The following VWA8 variants were observed in gnomAD, a reference collection of about 807,000 sequenced individuals.
The protein encoded by VWA8 is von Willebrand factor A domain containing 8, also known as von Willebrand factor A domain-containing protein 8.
Under a neutral mutation model 241.5 loss-of-function variants are expected in VWA8, and 221 were observed. The ratio of observed to expected loss-of-function variants is 0.91; its 90% CI spans 0.82 to 1.02. The LOEUF is 1.02. Among genes scored for constraint, VWA8 ranks in the 50% least tolerant of loss-of-function variants. VWA8 has a pLI of 0.00. For synonymous variants in VWA8, 852 were observed against 827.1 expected (o/e 1.03, Z -0.52); for missense variants, 2,322 against 2,328.7 (o/e 1.00, Z 0.06).
Position 41,821,815 on chromosome 13 carries a change from C to T in VWA8, c.1701-2429G>A, listed in dbSNP as rs181107470. Among the ~76,000 whole-genome samples, 49 of 152,202 alleles carry T rather than the reference C, an allele frequency of 3.2e-4. No individual in the cohort carries two copies. The East Asian group carries it at 4.1e-3, about 13-fold the overall frequency. On this transcript the variant is annotated intron_variant, in intron 14 of 44. Coordinates refer to ENST00000379310, the MANE Select transcript of VWA8 (RefSeq NM_015058.2). ...AGTTTTTATAAAGTACTTTCTGATG[C>T]TTCTCACCAGTAAAAAGGAACAAAC... is the stretch of plus-strand genomic sequence containing the variant.
At chr13:41,731,724 A>C (rs1016389665) in intron 22 of VWA8, among the ~76,000 whole-genome samples, 3 of 152,130 alleles carry the variant, frequency 2.0e-5, no homozygotes, top group African/African-American at 7.2e-5. Flanking sequence ...GTGGGAGATA[A>C]CTGAATCATG....
intron 9 of VWA8, among the ~76,000 whole-genome samples, chr13:41,871,799 A>C (rs981154420): frequency 6.6e-6 from 1 of 152,190 alleles, no homozygotes; most frequent in Non-Finnish European, 1.5e-5. Context: ...AGCATGATTT[A>C]TAGTCCTTTG....
chr13:41,759,253 A>T (rs527522342), intron 21 of VWA8, among the ~76,000 whole-genome samples: 19 of 151,606 alleles, frequency 1.3e-4, no homozygotes, highest in African/African-American at 4.6e-4. Context: ...CAGCACTTCA[A>T]TTGAATTGTG....
chr13:41,938,352 A>G (rs1279895082), intron 2 of VWA8, among the ~76,000 whole-genome samples: 4 of 152,090 alleles, frequency 2.6e-5, no homozygotes, highest in Non-Finnish European at 4.4e-5. Context: ...TAAGGACTCT[A>G]TTCTTAAAAA....
intron 1 of VWA8, chr13:41,955,962 G>C (rs954382189): frequency 3.3e-5 from 5 of 152,200 alleles, no homozygotes; most frequent in African/African-American, 1.2e-4. Flanking sequence ...GCCTGCTCAC[G>C]TTTCAGAATG....
intron 17 of VWA8, chr13:41,807,556 G>A (rs1344280602): frequency 6.6e-6 from 1 of 152,196 alleles, no homozygotes; most frequent in Non-Finnish European, 1.5e-5. Flanking sequence ...CAGTCAATGT[G>A]ATGCATCATA....
chr13:41,841,604 G>A (rs963965318), intron 12 of VWA8, among the ~76,000 whole-genome samples: 3 of 149,584 alleles, frequency 2.0e-5, no homozygotes, highest in East Asian at 2.0e-4. Context: ...GGCTAACACG[G>A]TGAAACCCCG....
chr13:41,921,237 GC>G (rs772678909), intron 2 of VWA8, among the ~76,000 whole-genome samples: 5 of 152,072 alleles, frequency 3.3e-5, no homozygotes, highest in Non-Finnish European at 5.9e-5. Context: ...AAATTCAACA[GC>G]CCTTCATGCT....
chr13:41,918,332 G>T (rs1187351859), intron 2 of VWA8, among the ~76,000 whole-genome samples: 1 of 152,148 alleles, frequency 6.6e-6, no homozygotes, highest in East Asian at 1.9e-4. Flanking sequence ...TCAGCACAGA[G>T]AAGATATTCA....
chr13:41,729,798 G>GACACACACACATAC, intron 22 of VWA8, 121 bp from the exon 23 acceptor site: 1 of 443,766 alleles, frequency 2.3e-6, no homozygotes, highest in South Asian at 3.0e-5. Context: ...TATACACGTA[G>GACACACACACATAC]ACACACACAC....
In VWA8 at chr13:41,570,705, G is replaced by C. The variant is rs1162363871; in HGVS notation, c.5372C>G (p.Thr1791Arg). ...GCAGAACTGAGAGTGGGCATGCATT[G>C]TCTGGAGGTAAAAGAAGTTGCACAA... is the stretch of plus-strand genomic sequence containing the variant. ...DNKQRLEILK[T>R]MHAHSQFCMS... is the part of the protein sequence containing the mutation. The change falls in exon 44 of 45, where the codon ACA (threonine) becomes AGA (arginine). Residue 1791 changes from threonine (T) to arginine (R), a missense_variant and splice_region_variant. Thr to Arg is a moderately conservative substitution (Grantham distance 71). Transcript: ENST00000379310. The C allele has an allele frequency of 6.2e-7, 1 of 1,609,104 alleles. No individual in the cohort carries two copies. Among genetic ancestry groups the C allele is most frequent in the African/African-American group, 1.3e-5 (1 of 74,992 alleles).
chr13:41,729,249 T>C (rs192599768), intron 23 of VWA8, among the ~76,000 whole-genome samples: 11 of 151,980 alleles, frequency 7.2e-5, no homozygotes, highest in Non-Finnish European at 1.2e-4. Context: ...CACAAATAAT[T>C]GGGAGATGAG....
chr13:41,852,365 T>C (rs1463898535), intron 12 of VWA8, among the ~76,000 whole-genome samples: 1 of 152,216 alleles, frequency 6.6e-6, no homozygotes, highest in Non-Finnish European at 1.5e-5. Context: ...CATTTGCAAA[T>C]ATTTTCTCCC....
intron 9 of VWA8, 78 bp from the exon 10 acceptor site, chr13:41,868,555 A>C (rs745588697): frequency 1.5e-4 from 216 of 1,447,076 alleles, no homozygotes; most frequent in Non-Finnish European, 1.9e-4. Flanking sequence ...ATTACACCTT[A>C]ATTACAAGTG....
rs111499044 is a variant in VWA8 at position 41,940,614 on chromosome 13, A to C, written c.241+9322T>G. Among the ~76,000 whole-genome samples, 566 of 152,318 alleles carry C rather than the reference A, an allele frequency of 3.7e-3. 3 individuals carry two copies. Among genetic ancestry groups the C allele is most frequent in the African/African-American group, 0.013 (539 of 41,582 alleles). On this transcript the variant is annotated intron_variant, in intron 2 of 44. Transcript: ENST00000379310. Reference sequence around the variant, plus strand: ...ACAATACAGTAAATGAATGCACAAAAACATGTATTATGCAAGACAATTTAT... The same window carrying C: ...ACAATACAGTAAATGAATGCACAAACACATGTATTATGCAAGACAATTTAT...
At chr13:41,663,475 C>CTG (rs2044965966) in intron 37 of VWA8, among the ~76,000 whole-genome samples, 1 of 152,104 alleles carries the variant, frequency 6.6e-6, no homozygotes, top group Non-Finnish European at 1.5e-5. Context: ...CCTTGTGACA[C>CTG]AGTCTCCCCC....
At chr13:41,689,235 G>C (rs2045158359) in intron 34 of VWA8, 119 bp downstream of exon 34, 1 of 1,129,364 alleles carries the variant, frequency 8.9e-7, no homozygotes, top group South Asian at 1.9e-5. Flanking sequence ...AGGAAGACTT[G>C]ATCCAACATG....
chr13:41,570,454 C>G lies in VWA8; in HGVS notation c.5609+14G>C, dbSNP rs9566792. ...CTGTACCTGCCCTTTTCTGTATGCT[C>G]AGATGACACTTACCTGGTTGCTTGA... On this transcript the variant is annotated intron_variant, in intron 44 of 44. Coordinates refer to ENST00000379310, the MANE Select transcript of VWA8 (RefSeq NM_015058.2). The G allele has an allele frequency of 0.014, 23,148 of 1,609,278 alleles. 442 individuals carry two copies. Among genetic ancestry groups the G allele is most frequent in the East Asian group, 0.097 (4,338 of 44,802 alleles).
At chr13:41,819,966 C>T (rs1870879270) in intron 14 of VWA8, among the ~76,000 whole-genome samples, 1 of 152,092 alleles carries the variant, frequency 6.6e-6, no homozygotes, top group African/African-American at 2.4e-5. Flanking sequence ...TTTGGTCATT[C>T]TTATAGGAAA....
Sources: allele counts gnomAD v4.1 joint callset (sites outside exome capture counted in the v4.1 genomes callset), GRCh38; gene constraint gnomAD v4.1.1; transcripts MANE v1.5; gene names NCBI Gene and HGNC (gene_info 2026-07-23, HGNC 2026-07-21).